RIC1: variants seen among roughly 807,000 people sequenced by gnomAD.
The protein encoded by RIC1 is guanine nucleotide exchange factor subunit RIC1.
Under a neutral mutation model 169.0 loss-of-function variants are expected in RIC1, and 88 were observed. The ratio of observed to expected loss-of-function variants is 0.52; its 90% CI spans 0.44 to 0.62. The LOEUF is 0.62. Ranked by LOEUF, RIC1 falls within the 20% of genes least tolerant of loss-of-function variation. The pLI, the probability that RIC1 is intolerant of heterozygous loss-of-function variation, is 0.00. For synonymous variants in RIC1, 790 were observed against 601.5 expected (o/e 1.31, Z -4.59); for missense variants, 1,877 against 1,725.5 (o/e 1.09, Z -1.56).
chr9:5,666,015 C>G (rs968337121), intron 2 of RIC1, among the ~76,000 whole-genome samples: 9 of 152,192 alleles, frequency 5.9e-5, no homozygotes, highest in African/African-American at 1.9e-4. Context: ...CCAGGACCCA[C>G]AGGCTGGACT....
chr9:5,767,624 G>C (rs2131124659), intron 21 of RIC1, among the ~76,000 whole-genome samples: 1 of 152,216 alleles, frequency 6.6e-6, no homozygotes, highest in African/African-American at 2.4e-5. Flanking sequence ...TTTCGCTCTT[G>C]TTGCCCAGGC....
intron 10 of RIC1, among the ~76,000 whole-genome samples, chr9:5,744,245 C>T (rs1458685453): frequency 6.6e-6 from 1 of 152,024 alleles, no homozygotes; most frequent in African/African-American, 2.4e-5. Context: ...TGTGTCTTCT[C>T]ATGGCCTGCT....
At chr9:5,647,507 A>G (rs1459246032) in intron 1 of RIC1, among the ~76,000 whole-genome samples, 3 of 152,216 alleles carry the variant, frequency 2.0e-5, no homozygotes, top group Non-Finnish European at 2.9e-5. Context: ...TTTTCACTGT[A>G]GAAGTCTTTT....
intron 3 of RIC1, among the ~76,000 whole-genome samples, chr9:5,699,609 C>G (rs533518476): frequency 6.6e-6 from 1 of 151,770 alleles, no homozygotes; most frequent in Non-Finnish European, 1.5e-5. Context: ...TAAGGGCAAC[C>G]TAGTGTCTCT....
rs150060334 is a variant in RIC1 at position 5,735,241 on chromosome 9, C to T, written c.812+2762C>T. On this transcript the variant is annotated intron_variant, in intron 7 of 25. Transcript: ENST00000414202. ...TTTACCTTGTTTATCTGACACCTGTCGTGACTAACCTGGAAGCTAGTTCTT... is the reference window on the plus strand; with the variant it reads ...TTTACCTTGTTTATCTGACACCTGTTGTGACTAACCTGGAAGCTAGTTCTT... Among the ~76,000 whole-genome samples the T allele has an allele frequency of 2.8e-3, 420 of 151,870 alleles. 1 individual carries two copies. Among genetic ancestry groups the T allele is most frequent in the African/African-American group, 9.5e-3 (392 of 41,442 alleles).
At chr9:5,634,392 G>T (rs543935058) in intron 1 of RIC1, among the ~76,000 whole-genome samples, 12 of 152,286 alleles carry the variant, frequency 7.9e-5, no homozygotes, top group Admixed American at 5.9e-4. Flanking sequence ...TGCCGACCTT[G>T]TTATGATTTA....
intron 3 of RIC1, among the ~76,000 whole-genome samples, chr9:5,699,257 C>G (rs1451057030): frequency 6.6e-6 from 1 of 152,128 alleles, no homozygotes; most frequent in African/African-American, 2.4e-5. Context: ...CTCCCACATC[C>G]CAAAGATGTA....
intron 12 of RIC1, 134 bp downstream of exon 12, chr9:5,747,639 T>C: frequency 1.3e-6 from 1 of 755,122 alleles, no homozygotes. Context: ...GTCCCTCTTC[T>C]GCTTTTCTGT....
intron 1 of RIC1, among the ~76,000 whole-genome samples, chr9:5,639,124 C>T (rs543546191): frequency 6.6e-6 from 1 of 152,160 alleles, no homozygotes; most frequent in South Asian, 2.1e-4. Flanking sequence ...CCAGGCTGTT[C>T]TCAAATTCCT....
At chr9:5,713,341 T>A (rs1823047852) in intron 3 of RIC1, 1 of 152,390 alleles carries the variant, frequency 6.6e-6, no homozygotes, top group African/African-American at 2.4e-5. Context: ...CTGCAGCTAT[T>A]TGATGCCAGG....
At chr9:5,764,536 A>G (rs968977923) in intron 19 of RIC1, among the ~76,000 whole-genome samples, 1 of 152,220 alleles carries the variant, frequency 6.6e-6, no homozygotes, top group African/African-American at 2.4e-5. Context: ...GTTACTGCAA[A>G]GTTGTTTCCA....
intron 2 of RIC1, among the ~76,000 whole-genome samples, chr9:5,677,978 C>T (rs1459046921): frequency 1.3e-5 from 2 of 152,018 alleles, no homozygotes; most frequent in Non-Finnish European, 2.9e-5. Flanking sequence ...GGTATATCTC[C>T]TAATGCTATC....
chr9:5,762,903 T>C (rs1189559010), intron 18 of RIC1, among the ~76,000 whole-genome samples: 1 of 152,172 alleles, frequency 6.6e-6, no homozygotes, highest in Admixed American at 6.5e-5. Flanking sequence ...CAAATTCTAA[T>C]GGAAAAAATA....
In RIC1 at chr9:5,721,056, A is replaced by T. The variant is rs572346763; in HGVS notation, c.720+306A>T. On this transcript the variant is annotated intron_variant, in intron 6 of 25. Transcript: ENST00000414202. ...TCCACTACTCTGAATATTTCCTTTA[A>T]TTTTTAGTTCTTAGGCTGTGTTTAT... is the stretch of plus-strand genomic sequence containing the variant. 2.6e-5 allele frequency among the ~76,000 whole-genome samples: 4 copies of T among 152,024 alleles called. No homozygotes were observed. In the South Asian group the frequency reaches 6.3e-4, roughly 24 times the overall value.
intron 3 of RIC1, among the ~76,000 whole-genome samples, chr9:5,708,487 T>C (rs1822736879): frequency 6.6e-6 from 1 of 152,172 alleles, no homozygotes; most frequent in Non-Finnish European, 1.5e-5. Flanking sequence ...CCCTCAACTT[T>C]TTGTTTATCT....
At chr9:5,726,944 C>T (rs184398730) in intron 6 of RIC1, among the ~76,000 whole-genome samples, 26 of 152,300 alleles carry the variant, frequency 1.7e-4, no homozygotes, top group Admixed American at 1.7e-3. Context: ...GATAGGCTTC[C>T]CTTTGTGGGT....
chr9:5,682,189 G>T (rs1820890863), intron 2 of RIC1, among the ~76,000 whole-genome samples: 1 of 152,160 alleles, frequency 6.6e-6, no homozygotes, highest in African/African-American at 2.4e-5. Context: ...GTGTGAATTT[G>T]ATCCTGTCAT....
At chr9:5,732,677 T>A (rs547031533) in intron 7 of RIC1, among the ~76,000 whole-genome samples, 198 bp downstream of exon 7, 64 of 152,284 alleles carry the variant, frequency 4.2e-4, no homozygotes, top group African/African-American at 1.5e-3. Flanking sequence ...ATTTTGGAGG[T>A]TGAGCATGTT....
chr9:5,730,105 A>G (rs1824271162), intron 6 of RIC1, among the ~76,000 whole-genome samples: 1 of 152,188 alleles, frequency 6.6e-6, no homozygotes, highest in East Asian at 1.9e-4. Flanking sequence ...ACAAATTACA[A>G]GAAAACAGTA....
Sources: allele counts gnomAD v4.1 joint callset (sites outside exome capture counted in the v4.1 genomes callset), GRCh38; gene constraint gnomAD v4.1.1; transcripts MANE v1.5; gene names NCBI Gene and HGNC (gene_info 2026-07-23, HGNC 2026-07-21).